The following TC2N variants were observed in gnomAD, a reference collection of about 807,000 sequenced individuals.
TC2N encodes tandem C2 domains, nuclear.
TC2N carries 51 observed loss-of-function variants against 61.9 expected under a neutral mutation model. That is an observed-to-expected ratio of 0.82 (90% CI 0.66 to 1.04). TC2N has a LOEUF of 1.04. TC2N is among the 50% of genes least tolerant of loss of function. TC2N has a pLI of 0.00. For missense variants in TC2N, 556 were observed against 566.7 expected, an observed-to-expected ratio of 0.98 and a Z score of 0.19; for synonymous variants, 204 against 192.6, an observed-to-expected ratio of 1.06 and a Z score of -0.49.
At chr14:91,793,252 G>C (rs1030525114) in intron 8 of TC2N, among the ~76,000 whole-genome samples, 1 of 152,100 alleles carries the variant, frequency 6.6e-6, no homozygotes, top group Non-Finnish European at 1.5e-5. Flanking sequence ...CTTACTATGG[G>C]CTAACATATT....
Position 91,780,869 on chromosome 14 carries a change from C to T in TC2N, c.*2231G>A, listed in dbSNP as rs1449225733. On this transcript the variant is annotated 3_prime_UTR_variant, in exon 12 of 12. Transcript: ENST00000435962. ...TTCAAGGAAATAACCAGCATTAGTA[C>T]CTCCTCACCTGAAAAAGGCTTAAGT... 2.0e-5 allele frequency: 3 copies of T among 150,970 alleles called. No homozygotes were observed. Among genetic ancestry groups the T allele is most frequent in the Non-Finnish European group, 4.4e-5 (3 of 67,982 alleles). 9.4% of individuals were successfully genotyped at this position (150,970 alleles called of 1,614,324 possible). A position where few individuals can be genotyped will look rare whatever the true frequency, so the allele number is the denominator to read the frequency against.
intron 8 of TC2N, among the ~76,000 whole-genome samples, chr14:91,796,396 T>C (rs1015673515): frequency 2.6e-5 from 4 of 152,036 alleles, no homozygotes; most frequent in African/African-American, 9.7e-5. Flanking sequence ...TTAGTTTTCA[T>C]AGTTACCTAG....
chr14:91,831,675 G>T (rs1284494974), intron 1 of TC2N, among the ~76,000 whole-genome samples: 1 of 152,144 alleles, frequency 6.6e-6, no homozygotes, highest in Non-Finnish European at 1.5e-5. Flanking sequence ...GGGAAAAAAA[G>T]AAACTGGACC....
intron 1 of TC2N, among the ~76,000 whole-genome samples, chr14:91,844,101 T>G (rs1470116827): frequency 6.6e-6 from 1 of 152,154 alleles, no homozygotes; most frequent in Non-Finnish European, 1.5e-5. Flanking sequence ...GGCAGCTCCA[T>G]AAAGTGGCTT....
In TC2N at chr14:91,796,453, A is replaced by C. The variant is rs1432370320; in HGVS notation, c.855+1332T>G. The stretch of plus-strand genomic sequence containing the variant: ...GGGATGAATTACACCCCCCTAAAAA[A>C]GATATGTTGAAGTCCTGAGCCCCAG... On this transcript the variant is annotated intron_variant, in intron 8 of 11. Coordinates refer to ENST00000435962, the MANE Select transcript of TC2N (RefSeq NM_001128596.3). Among the ~76,000 whole-genome samples the C allele has an allele frequency of 2.0e-5, 3 of 152,190 alleles. No homozygotes were observed. The East Asian group carries it at 5.8e-4, about 29-fold the overall frequency.
At chr14:91,788,811 A>C (rs1885489923) in intron 9 of TC2N, among the ~76,000 whole-genome samples, 2 of 152,204 alleles carry the variant, frequency 1.3e-5, no homozygotes, top group Admixed American at 1.3e-4. Flanking sequence ...TTGGAATTTA[A>C]TTTCCCCTTG....
At chr14:91,850,591 A>C (rs1325894036) in intron 1 of TC2N, among the ~76,000 whole-genome samples, 1 of 152,196 alleles carries the variant, frequency 6.6e-6, no homozygotes, top group Non-Finnish European at 1.5e-5. Flanking sequence ...CACAAACCTT[A>C]CTGTGAACTG....
At chr14:91,854,873 A>C (rs939954444) in intron 1 of TC2N, among the ~76,000 whole-genome samples, 6 of 152,204 alleles carry the variant, frequency 3.9e-5, no homozygotes, top group African/African-American at 1.4e-4. Flanking sequence ...AGAAGGAGCC[A>C]GTCCTCCCCA....
At chr14:91,784,726 T>C (rs1007834543) in intron 11 of TC2N, among the ~76,000 whole-genome samples, 2 of 152,248 alleles carry the variant, frequency 1.3e-5, no homozygotes, top group African/African-American at 2.4e-5. Context: ...ACTGTTAAAA[T>C]GGACATGTTC....
At chr14:91,784,709 C>A (rs982442316) in intron 11 of TC2N, among the ~76,000 whole-genome samples, 7 of 152,020 alleles carry the variant, frequency 4.6e-5, no homozygotes, top group African/African-American at 1.7e-4. Flanking sequence ...TAAATAATAT[C>A]ACAACCACTG....
At chr14:91,832,853 A>G (rs116436484) in intron 1 of TC2N, among the ~76,000 whole-genome samples, 124 of 152,366 alleles carry the variant, frequency 8.1e-4, no homozygotes, top group African/African-American at 2.8e-3. Context: ...TCCGCAGGAT[A>G]ATGGATAAAG....
chr14:91,807,155 C>T (rs1886546855), intron 3 of TC2N, among the ~76,000 whole-genome samples: 1 of 152,224 alleles, frequency 6.6e-6, no homozygotes, highest in South Asian at 2.1e-4. Flanking sequence ...AAGGAAATGC[C>T]TGGATGTCCA....
chr14:91,787,630 G>T lies in TC2N; in HGVS notation c.1048-3C>A. 1 of 1,558,194 alleles carries T rather than the reference G, an allele frequency of 6.4e-7. No individual in the cohort carries two copies. Among genetic ancestry groups the T allele is most frequent in the Non-Finnish European group, 8.8e-7 (1 of 1,140,600 alleles). On this transcript the variant is annotated splice_region_variant and splice_polypyrimidine_tract_variant and intron_variant, in intron 9 of 11. Transcript: ENST00000435962. ...AATTCAAGTTCTGCATGGCAAACCT[G>T]CATATCAAAAAAGTGTCATTTGGTA...
rs1885143339 is a variant in TC2N, at chr14:91,781,766, A to C, written c.*1334T>G. The C allele has an allele frequency of 1.3e-5, 2 of 152,116 alleles. No individual in the cohort carries two copies. Among genetic ancestry groups the C allele is most frequent in the Admixed American group, 1.3e-4 (2 of 15,254 alleles). 9.4% of individuals were successfully genotyped at this position (152,116 alleles called of 1,614,324 possible). A position where few individuals can be genotyped will look rare whatever the true frequency, so the allele number is the denominator to read the frequency against. ...GCAGTAGAAGCAAAGGGGATATAAG[A>C]TGTGGACATTTTGTAGCTTGAGGAG... On this transcript the variant is annotated 3_prime_UTR_variant, in exon 12 of 12. Coordinates refer to ENST00000435962, the MANE Select transcript of TC2N (RefSeq NM_001128596.3).
intron 1 of TC2N, among the ~76,000 whole-genome samples, 154 bp downstream of exon 1, chr14:91,867,108 G>T (rs569543146): frequency 6.6e-6 from 1 of 152,140 alleles, no homozygotes; most frequent in South Asian, 2.1e-4. Context: ...TTTCTTAGAA[G>T]CAGGAAGCCA....
intron 7 of TC2N, among the ~76,000 whole-genome samples, 195 bp from the exon 8 acceptor site, chr14:91,798,096 C>A (rs1886001931): frequency 6.6e-6 from 1 of 151,894 alleles, no homozygotes. Context: ...CCCTCTTGAG[C>A]TTAAAAACAC....
rs1299286119 is a variant in TC2N, at chr14:91,780,740, T to C, written c.*2360A>G. 2.6e-5 allele frequency: 4 copies of C among 152,196 alleles called. No individual in the cohort carries two copies. The highest frequency in any genetic ancestry group is 2.6e-4 in the Admixed American group (4 of 15,286). The allele number at this position is 152,196 out of a possible 1,614,324, so 9.4% of individuals were successfully genotyped here. A position where few individuals can be genotyped will look rare whatever the true frequency, so the allele number is the denominator to read the frequency against. On this transcript the variant is annotated 3_prime_UTR_variant, in exon 12 of 12. Coordinates refer to ENST00000435962, the MANE Select transcript of TC2N (RefSeq NM_001128596.3). ...AGGCAAATATGAAGAGAAGTTATTT[T>C]GGCATAGAATCTCATTTTTTACTAC...
At chr14:91,846,559 C>T (rs985023957) in intron 1 of TC2N, among the ~76,000 whole-genome samples, 4 of 152,138 alleles carry the variant, frequency 2.6e-5, no homozygotes, top group Non-Finnish European at 5.9e-5. Flanking sequence ...AAGAGGCATC[C>T]AGCCCAACAG....
intron 3 of TC2N, among the ~76,000 whole-genome samples, chr14:91,808,592 T>C (rs1313600578): frequency 1.3e-5 from 2 of 152,206 alleles, no homozygotes; most frequent in Non-Finnish European, 2.9e-5. Flanking sequence ...TTGACTCTAA[T>C]AAAAGTAATT....
Sources: gnomAD v4.1 joint callset for allele counts (sites outside exome capture counted in the v4.1 genomes callset) on GRCh38, gnomAD v4.1.1 for gene constraint, MANE v1.5 for transcripts, NCBI Gene and HGNC (gene_info 2026-07-23, HGNC 2026-07-21) for gene names.